Variants in CLVS1 observed in about 807,000 individuals in gnomAD.
CLVS1 encodes the protein clavesin 1.
A neutral mutation model predicts 33.1 loss-of-function variants in CLVS1; 10 were observed. The ratio of observed to expected loss-of-function variants is 0.30; its 90% CI spans 0.19 to 0.51. The LOEUF (loss-of-function observed/expected upper bound fraction) is 0.51, where lower values mean the gene tolerates loss of function less well. Among genes scored for constraint, CLVS1 ranks in the 20% least tolerant of loss-of-function variants. The pLI, the probability that CLVS1 is intolerant of heterozygous loss-of-function variation, is 0.97. For missense variants in CLVS1, 343 were observed against 433.4 expected (o/e 0.79, Z 1.85); for synonymous variants, 163 against 166.1 (o/e 0.98, Z 0.14).
At chr8:60,970,997 A>G in the CLVS1 span, among the ~76,000 whole-genome samples, 1 of 132,652 alleles carries the variant, frequency 7.5e-6, no homozygotes, top group Non-Finnish European at 1.6e-5. Flanking sequence ...CAGCTGAGTT[A>G]TTTATTTATA....
At chr8:60,968,604 CTG>C in the CLVS1 span, among the ~76,000 whole-genome samples, 4 of 151,494 alleles carry the variant, frequency 2.6e-5, no homozygotes, top group Non-Finnish European at 4.4e-5. Flanking sequence ...GTTAGGAAAA[CTG>C]GGGCTGGTAT....
intron 2 of CLVS1, among the ~76,000 whole-genome samples, chr8:61,304,712 G>T (rs1427268603): frequency 6.6e-6 from 1 of 152,128 alleles, no homozygotes; most frequent in African/African-American, 2.4e-5. Flanking sequence ...GCTTGCACTT[G>T]GTCATAAGCC....
the CLVS1 span, among the ~76,000 whole-genome samples, chr8:61,007,858 C>T: frequency 6.6e-6 from 1 of 152,124 alleles, no homozygotes; most frequent in Non-Finnish European, 1.5e-5. Flanking sequence ...CAGGGCCATG[C>T]GCTCGGAACA....
At chr8:61,307,865 A>C (rs916851198) in intron 2 of CLVS1, among the ~76,000 whole-genome samples, 18 of 152,106 alleles carry the variant, frequency 1.2e-4, no homozygotes, top group African/African-American at 4.1e-4. Context: ...TGGAGTCTCC[A>C]ATGTCTATTA....
intron 2 of CLVS1, among the ~76,000 whole-genome samples, chr8:61,348,487 T>A (rs1278305504): frequency 1.3e-5 from 2 of 151,986 alleles, no homozygotes; most frequent in African/African-American, 2.4e-5. Context: ...TAATAAAAAA[T>A]AATAATAATA....
intron 3 of CLVS1, among the ~76,000 whole-genome samples, chr8:61,445,299 T>A (rs1355323891): frequency 6.6e-6 from 1 of 152,204 alleles, no homozygotes; most frequent in Non-Finnish European, 1.5e-5. Flanking sequence ...AGGATTGATA[T>A]AATTTGGATA....
Position 61,086,022 on chromosome 8 carries a change from C to A in CLVS1, c.-243+28792C>A, listed in dbSNP as rs1184033213. Among the ~76,000 whole-genome samples, 4 of 104,508 alleles carry A rather than the reference C, an allele frequency of 3.8e-5. No homozygotes were observed. The East Asian group carries it at 9.7e-4, about 25-fold the overall frequency. 68.6% of individuals were successfully genotyped at this position (104,508 alleles called of 152,430 possible). The stretch of plus-strand genomic sequence containing the variant: ...CTGCACTCCAGCCTGGGCGACAGAG[C>A]GAGACTCCCTCTCAAAAAAAAAAAA... On this transcript the variant is annotated intron_variant, in intron 1 of 2. Transcript: ENST00000522621.
intron 5 of CLVS1, among the ~76,000 whole-genome samples, chr8:61,466,592 G>T (rs1436877421): frequency 6.6e-6 from 1 of 152,078 alleles, no homozygotes; most frequent in East Asian, 1.9e-4. Context: ...TTACTTTCTG[G>T]TTCTTGCCTT....
At chr8:61,181,583 A>G (rs1807230051) in intron 2 of CLVS1, among the ~76,000 whole-genome samples, 3 of 152,204 alleles carry the variant, frequency 2.0e-5, no homozygotes. Context: ...TTCAAACTAT[A>G]CTATAAGCCT....
chr8:61,455,178 T>TTATGTG (rs145189944), intron 4 of CLVS1, among the ~76,000 whole-genome samples: 2 of 147,438 alleles, frequency 1.4e-5, no homozygotes, highest in Admixed American at 1.4e-4. Flanking sequence ...TAATTATGAT[T>TTATGTG]TGTGTGTGTG....
chr8:61,498,152 T>C (rs1014269192), intron 5 of CLVS1, among the ~76,000 whole-genome samples: 1 of 152,204 alleles, frequency 6.6e-6, no homozygotes, highest in Non-Finnish European at 1.5e-5. Flanking sequence ...ATGGAGTTGC[T>C]CTGGTTCAAG....
intron 2 of CLVS1, among the ~76,000 whole-genome samples, chr8:61,155,643 G>A (rs1376258821): frequency 6.6e-6 from 1 of 151,984 alleles, no homozygotes; most frequent in Non-Finnish European, 1.5e-5. Flanking sequence ...ATTTTGATAA[G>A]CCTATTTAGA....
intron 3 of CLVS1, among the ~76,000 whole-genome samples, chr8:61,448,217 G>A (rs536253075): frequency 7.7e-4 from 117 of 151,728 alleles, no homozygotes; most frequent in Non-Finnish European, 1.3e-3. Flanking sequence ...ATATGTCTTG[G>A]CATCAATTTA....
intron 2 of CLVS1, among the ~76,000 whole-genome samples, chr8:61,339,724 G>C (rs1445091312): frequency 6.6e-6 from 1 of 150,902 alleles, no homozygotes; most frequent in East Asian, 2.0e-4. Context: ...AGAGAAAGAG[G>C]GAAGGAGGGA....
chr8:61,128,955 T>A (rs892737994), intron 1 of CLVS1, among the ~76,000 whole-genome samples: 2 of 152,260 alleles, frequency 1.3e-5, no homozygotes, highest in Non-Finnish European at 1.5e-5. Flanking sequence ...GTTTCTCTCC[T>A]GTTATTGGAA....
At chr8:61,014,948 A>T in the CLVS1 span, among the ~76,000 whole-genome samples, 1 of 152,254 alleles carries the variant, frequency 6.6e-6, no homozygotes, top group Non-Finnish European at 1.5e-5. Flanking sequence ...CTCCTCTGTG[A>T]TGGCCTGACC....
At chr8:61,498,735 G>A (rs773214859) in intron 5 of CLVS1, among the ~76,000 whole-genome samples, 7 of 152,054 alleles carry the variant, frequency 4.6e-5, no homozygotes, top group African/African-American at 1.2e-4. Flanking sequence ...AGTTGTAGTC[G>A]TCTTTATCAA....
chr8:61,082,719 A>G (rs956866947), intron 1 of CLVS1, among the ~76,000 whole-genome samples: 1 of 152,216 alleles, frequency 6.6e-6, no homozygotes, highest in Non-Finnish European at 1.5e-5. Flanking sequence ...ACACTAACCT[A>G]GAATTCTGTG....
rs116443798 is a variant in CLVS1, at chr8:61,137,344, G to A, written c.-152+5484G>A. On this transcript the variant is annotated intron_variant, in intron 2 of 2. Transcript: ENST00000522621. The stretch of plus-strand genomic sequence containing the variant: ...GAGAAAACATGGGCTTGGAAGTCAC[G>A]GAACCTGAGTTTGAATCTTGGTGCT... Among the ~76,000 whole-genome samples, 1,376 of 152,260 alleles carry A rather than the reference G, an allele frequency of 9.0e-3. 27 individuals carry two copies. Among genetic ancestry groups the A allele is most frequent in the African/African-American group, 0.032 (1,325 of 41,550 alleles).
Sources: gnomAD v4.1 joint callset for allele counts (sites outside exome capture counted in the v4.1 genomes callset) on GRCh38, gnomAD v4.1.1 for gene constraint, MANE v1.5 for transcripts, NCBI Gene and HGNC (gene_info 2026-07-23, HGNC 2026-07-21) for gene names.